The following CDH6 variants were observed in gnomAD, a reference collection of about 807,000 sequenced individuals.
The protein encoded by CDH6 is cadherin 6.
Under a neutral mutation model 78.0 loss-of-function variants are expected in CDH6, and 31 were observed. The ratio of observed to expected loss-of-function variants is 0.40; its 90% CI spans 0.30 to 0.54. CDH6 has a LOEUF of 0.54. CDH6 is among the 20% of genes least tolerant of loss of function. The pLI, the probability that CDH6 is intolerant of heterozygous loss-of-function variation, is 0.56. For synonymous variants in CDH6, 376 were observed against 368.8 expected (o/e 1.02, Z -0.23); for missense variants, 724 against 975.9 (o/e 0.74, Z 3.44).
At position 31,318,048 on chromosome 5, in the gene CDH6, C is replaced by T. The variant is rs115959560; in HGVS notation, c.1882+124C>T. On this transcript the variant is annotated intron_variant, in intron 11 of 11. Coordinates refer to ENST00000265071, the MANE Select transcript of CDH6 (RefSeq NM_004932.4). ...AGCCTGATCTAGGTGAGTCGAGTTACATACTGAGAATCTGTGCTGTACGAT... is the reference window on the plus strand; with the variant it reads ...AGCCTGATCTAGGTGAGTCGAGTTATATACTGAGAATCTGTGCTGTACGAT... The T allele has an allele frequency of 3.9e-3, 4,475 of 1,149,778 alleles. 126 individuals are homozygous for T. The African/African-American group carries it at 0.06, about 15-fold the overall frequency. The allele number at this position is 1,149,778 out of a possible 1,614,324, so 71.2% of individuals were successfully genotyped here.
At chr5:31,251,260 A>G (rs1033853990) in intron 1 of CDH6, 4 of 152,216 alleles carry the variant, frequency 2.6e-5, no homozygotes, top group African/African-American at 7.2e-5. Flanking sequence ...AAAGCTCTCT[A>G]CTGCCCCTGT....
chr5:31,252,277 G>A (rs1741930185), intron 1 of CDH6, among the ~76,000 whole-genome samples: 1 of 151,832 alleles, frequency 6.6e-6, no homozygotes, highest in African/African-American at 2.4e-5. Flanking sequence ...TCTAAAGACA[G>A]GATGTCAGAA....
intron 1 of CDH6, among the ~76,000 whole-genome samples, chr5:31,207,067 G>C (rs182383241): frequency 6.6e-6 from 1 of 152,122 alleles, no homozygotes; most frequent in Admixed American, 6.5e-5. Context: ...TACACAAGAA[G>C]ACTAGTTAAA....
intron 1 of CDH6, among the ~76,000 whole-genome samples, chr5:31,230,483 G>A (rs1741284504): frequency 6.6e-6 from 1 of 152,126 alleles, no homozygotes; most frequent in Admixed American, 6.6e-5. Context: ...TTTATTAACA[G>A]AGAATTCAGA....
chr5:31,300,867 T>C (rs1579897885), intron 5 of CDH6, among the ~76,000 whole-genome samples: 2 of 152,178 alleles, frequency 1.3e-5, no homozygotes, highest in African/African-American at 4.8e-5. Flanking sequence ...ATGCCTGTAA[T>C]CCCAGAGCTT....
At chr5:31,302,970 AAG>A (rs1737872361) in intron 6 of CDH6, among the ~76,000 whole-genome samples, 1 of 149,586 alleles carries the variant, frequency 6.7e-6, no homozygotes, top group South Asian at 2.1e-4. Context: ...AAAGAAAAGA[AAG>A]AAAGAAAGAA....
chr5:31,245,049 G>A (rs1274274211), intron 1 of CDH6, among the ~76,000 whole-genome samples: 1 of 152,210 alleles, frequency 6.6e-6, no homozygotes, highest in Non-Finnish European at 1.5e-5. Flanking sequence ...ATGGGGATCT[G>A]TGGCTAGGAG....
chr5:31,232,838 A>G (rs1481650430), intron 1 of CDH6, among the ~76,000 whole-genome samples: 1 of 152,210 alleles, frequency 6.6e-6, no homozygotes, highest in African/African-American at 2.4e-5. Context: ...ACCATACACC[A>G]GGCATTGTTC....
In CDH6 at chr5:31,328,175, C is replaced by CTT. The variant is rs151043213; in HGVS notation, c.*4887_*4888dup. ...AGAGCTTTTACAAGTTGCTTAATTC[C>CTT]TTTTTTTTTTTTTTTTTTTTTCAAA... On this transcript the variant is annotated 3_prime_UTR_variant, in exon 12 of 12. Transcript: ENST00000265071. 8,788 of 121,770 alleles carry CTT rather than the reference C, an allele frequency of 0.072. 797 individuals are homozygous for CTT. The highest frequency in any genetic ancestry group is 0.23 in the African/African-American group (6,277 of 27,826). The allele number at this position is 121,770 out of a possible 1,614,324, so 7.5% of individuals were successfully genotyped here.
intron 1 of CDH6, among the ~76,000 whole-genome samples, chr5:31,255,496 A>G (rs574526599): frequency 6.6e-6 from 1 of 152,328 alleles, no homozygotes; most frequent in Admixed American, 6.5e-5. Context: ...GTGATATTTT[A>G]TGTGCAGTTT....
At chr5:31,319,072 G>A (rs1318821) in intron 11 of CDH6, 94,547 of 188,404 alleles carry the variant, frequency 0.5, 24,340 homozygotes, top group East Asian at 0.55. Context: ...GAGTCTGTAA[G>A]CATTGTTTTG....
chr5:31,233,183 TATACAC>T (rs147794603), intron 1 of CDH6, among the ~76,000 whole-genome samples: 2,376 of 151,890 alleles, frequency 0.016, 67 homozygotes, highest in African/African-American at 0.054. Flanking sequence ...AATGCACACA[TATACAC>T]ATACAGAGAG....
At chr5:31,272,011 A>G (rs556808614) in intron 2 of CDH6, among the ~76,000 whole-genome samples, 1 of 152,330 alleles carries the variant, frequency 6.6e-6, no homozygotes, top group South Asian at 2.1e-4. Context: ...TGATAACAGA[A>G]TGTGGCAAGT....
At chr5:31,206,721 A>G (rs978459978) in intron 1 of CDH6, among the ~76,000 whole-genome samples, 1 of 152,232 alleles carries the variant, frequency 6.6e-6, no homozygotes, top group Non-Finnish European at 1.5e-5. Flanking sequence ...AGCTTTGTAT[A>G]TAATGAATAG....
At chr5:31,263,397 C>T (rs1463814435) in intron 1 of CDH6, among the ~76,000 whole-genome samples, 1 of 150,524 alleles carries the variant, frequency 6.6e-6, no homozygotes, top group Non-Finnish European at 1.5e-5. Flanking sequence ...GCTGGGATTA[C>T]AGGCACCTGC....
chr5:31,235,327 G>A (rs992558143), intron 1 of CDH6, among the ~76,000 whole-genome samples: 37 of 146,458 alleles, frequency 2.5e-4, no homozygotes, highest in Non-Finnish European at 4.9e-4. Context: ...TACATCAGAG[G>A]CAACACCAAC....
chr5:31,304,189 A>C (rs905848411), intron 6 of CDH6, among the ~76,000 whole-genome samples: 9 of 152,134 alleles, frequency 5.9e-5, no homozygotes, highest in Non-Finnish European at 5.9e-5. Context: ...ACAACAAAAA[A>C]AAAAAACTTT....
At chr5:31,309,238 A>G (rs1190443290) in intron 7 of CDH6, among the ~76,000 whole-genome samples, 1 of 152,140 alleles carries the variant, frequency 6.6e-6, no homozygotes, top group South Asian at 2.1e-4. Context: ...ATCAGGTTTA[A>G]ATGGCCTGTG....
At chr5:31,237,330 G>A (rs774388983) in intron 1 of CDH6, among the ~76,000 whole-genome samples, 3 of 152,108 alleles carry the variant, frequency 2.0e-5, no homozygotes, top group Non-Finnish European at 4.4e-5. Flanking sequence ...AGCAGATGGC[G>A]ATAGCCACAT....
Sources: gnomAD v4.1 joint callset for allele counts (sites outside exome capture counted in the v4.1 genomes callset) on GRCh38, gnomAD v4.1.1 for gene constraint, MANE v1.5 for transcripts, NCBI Gene and HGNC (gene_info 2026-07-23, HGNC 2026-07-21) for gene names.